Variants in ATP9A observed in about 807,000 individuals in gnomAD.
ATP9A encodes probable phospholipid-transporting ATPase IIA.
In ATP9A, 52 loss-of-function variants were observed where a neutral mutation model predicts 144.1. The ratio of observed to expected loss-of-function variants is 0.36; its 90% CI spans 0.29 to 0.45. ATP9A has a LOEUF of 0.45. ATP9A is among the 20% of genes least tolerant of loss of function. ATP9A has a pLI of 1.00. For synonymous variants in ATP9A, 582 were observed against 557.4 expected (o/e 1.04, Z -0.62); for missense variants, 947 against 1,392.7 (o/e 0.68, Z 5.09).
At chr20:51,661,869 T>C (rs956666501) in intron 13 of ATP9A, among the ~76,000 whole-genome samples, 4 of 152,170 alleles carry the variant, frequency 2.6e-5, no homozygotes, top group South Asian at 2.1e-4. Flanking sequence ...GTTTACTGTT[T>C]TAGAGCAGAC....
Position 51,671,327 on chromosome 20 carries a change from T to C in ATP9A, c.1038-70A>G, listed in dbSNP as rs1189459912. On this transcript the variant is annotated intron_variant, in intron 11 of 27. Coordinates refer to ENST00000338821, the MANE Select transcript of ATP9A (RefSeq NM_006045.3). Reference sequence around the variant, plus strand: ...GGCTCCTTGTATCTTTATAAAAACATGGACTCTAAACACATGTGCCATCGC... The same window carrying C: ...GGCTCCTTGTATCTTTATAAAAACACGGACTCTAAACACATGTGCCATCGC... 7.3e-5 allele frequency: 114 copies of C among 1,554,642 alleles called. 1 individual carries two copies. In the South Asian group the frequency reaches 1.1e-3, roughly 15 times the overall value.
In ATP9A at chr20:51,719,926, G is replaced by A. The variant is rs145586377; in HGVS notation, c.327+5893C>T. Among the ~76,000 whole-genome samples, 1,358 of 152,118 alleles carry A rather than the reference G, an allele frequency of 8.9e-3. 18 individuals are homozygous for A. Among genetic ancestry groups the A allele is most frequent in the African/African-American group, 0.031 (1,286 of 41,498 alleles). ...TAACTGGGCGTGATGGCACACACCT[G>A]TAATCCCAGTTACTCAGGAGACTGA... On this transcript the variant is annotated intron_variant, in intron 3 of 27. Transcript: ENST00000338821.
At chr20:51,656,280 A>AGT (rs1348499061) in intron 14 of ATP9A, among the ~76,000 whole-genome samples, 2 of 152,132 alleles carry the variant, frequency 1.3e-5, no homozygotes, top group Non-Finnish European at 2.9e-5. Flanking sequence ...TCACCAACGC[A>AGT]GTGACTCACG....
rs551814535 is a variant in ATP9A at position 51,642,924 on chromosome 20, G to C, written c.1507-3420C>G. Among the ~76,000 whole-genome samples, 26 of 152,032 alleles carry C rather than the reference G, an allele frequency of 1.7e-4. No homozygotes were observed. The East Asian group carries it at 5.0e-3, about 29-fold the overall frequency. Reference sequence around the variant, plus strand: ...TATACCCCGAAGAAGAGATCAAGCTGGAGCTCAAAACTGGGGTTCCAGTCC... The same window carrying C: ...TATACCCCGAAGAAGAGATCAAGCTCGAGCTCAAAACTGGGGTTCCAGTCC... On this transcript the variant is annotated intron_variant, in intron 14 of 27. Transcript: ENST00000338821.
intron 22 of ATP9A, among the ~76,000 whole-genome samples, chr20:51,615,026 C>T (rs954864238): frequency 8.0e-6 from 1 of 124,454 alleles, no homozygotes; most frequent in South Asian, 2.6e-4. Context: ...AATGTTAACA[C>T]GGGGTTGAGC....
At chr20:51,697,375 T>C in intron 5 of ATP9A, 49 bp downstream of exon 5, 2 of 1,563,366 alleles carry the variant, frequency 1.3e-6, no homozygotes, top group African/African-American at 1.4e-5. Flanking sequence ...AATGACACAT[T>C]AGGACCCATG....
chr20:51,717,826 T>A (rs1362799466), intron 3 of ATP9A, among the ~76,000 whole-genome samples: 1 of 151,904 alleles, frequency 6.6e-6, no homozygotes, highest in Non-Finnish European at 1.5e-5. Context: ...TGGTGGCGCA[T>A]GCCTGTAATC....
At chr20:51,764,496 G>C (rs573501581) in intron 1 of ATP9A, among the ~76,000 whole-genome samples, 1 of 152,170 alleles carries the variant, frequency 6.6e-6, no homozygotes, top group African/African-American at 2.4e-5. Context: ...GCACGTCTTC[G>C]CAACATTCGC....
At chr20:51,615,663 G>A (rs571835794) in intron 22 of ATP9A, among the ~76,000 whole-genome samples, 13 of 152,178 alleles carry the variant, frequency 8.5e-5, no homozygotes, top group African/African-American at 3.1e-4. Context: ...ATATTTTTGA[G>A]ACAGTCTCAC....
Position 51,599,465 on chromosome 20 carries a change from A to G in ATP9A, c.*1746T>C, listed in dbSNP as rs2077133108. 6.6e-6 allele frequency: 1 copy of G among 152,208 alleles called. No individual in the cohort carries two copies. The highest frequency in any genetic ancestry group is 6.5e-5 in the Admixed American group (1 of 15,282). 9.4% of individuals were successfully genotyped at this position (152,208 alleles called of 1,614,324 possible). On this transcript the variant is annotated 3_prime_UTR_variant, in exon 28 of 28. Coordinates refer to ENST00000338821, the MANE Select transcript of ATP9A (RefSeq NM_006045.3). ...GATCCTATCCTTAACTATTCACTCAATACATCTTTTCTGCCGACCTTTTCC... is the reference window on the plus strand; with the variant it reads ...GATCCTATCCTTAACTATTCACTCAGTACATCTTTTCTGCCGACCTTTTCC...
chr20:51,704,387 T>G (rs181543798), intron 4 of ATP9A, among the ~76,000 whole-genome samples: 2,579 of 151,738 alleles, frequency 0.017, 37 homozygotes, highest in Non-Finnish European at 0.023. Flanking sequence ...TTTTGTTGTT[T>G]TTTTTTTTAA....
intron 13 of ATP9A, among the ~76,000 whole-genome samples, chr20:51,664,884 T>TA: frequency 7.7e-6 from 1 of 129,894 alleles, no homozygotes; most frequent in Non-Finnish European, 1.7e-5. Flanking sequence ...CACCCCCGGC[T>TA]AATTTTTTTT....
chr20:51,654,101 CT>C (rs1205572820), intron 14 of ATP9A, among the ~76,000 whole-genome samples: 2 of 152,160 alleles, frequency 1.3e-5, no homozygotes, highest in African/African-American at 2.4e-5. Flanking sequence ...CTCCCTCCCC[CT>C]CTCTCTTTCT....
At chr20:51,733,065 T>A (rs543266391) in intron 1 of ATP9A, among the ~76,000 whole-genome samples, 1 of 152,070 alleles carries the variant, frequency 6.6e-6, no homozygotes, top group Non-Finnish European at 1.5e-5. Context: ...TTATACAAAA[T>A]TTTTGTTCTG....
chr20:51,706,914 T>C (rs1321021677), intron 4 of ATP9A, among the ~76,000 whole-genome samples: 2 of 152,324 alleles, frequency 1.3e-5, no homozygotes, highest in Admixed American at 6.5e-5. Context: ...GTACTGTATA[T>C]GAATTCTTCA....
chr20:51,615,028 G>A (rs1687443145), intron 22 of ATP9A, among the ~76,000 whole-genome samples: 2 of 143,488 alleles, frequency 1.4e-5, no homozygotes, highest in African/African-American at 5.2e-5. Context: ...TGTTAACACG[G>A]GGTTGAGCAT....
chr20:51,750,802 C>A (rs1408716077), intron 1 of ATP9A, among the ~76,000 whole-genome samples: 1 of 152,140 alleles, frequency 6.6e-6, no homozygotes, highest in African/African-American at 2.4e-5. Context: ...AATCTGAGAG[C>A]CACCTCTCAA....
chr20:51,700,902 G>A (rs1481589423), intron 4 of ATP9A, among the ~76,000 whole-genome samples: 2 of 152,136 alleles, frequency 1.3e-5, no homozygotes, highest in Non-Finnish European at 2.9e-5. Flanking sequence ...TTGGCAGAAC[G>A]ATTTCATGGC....
chr20:51,671,175 G>T lies in ATP9A; in HGVS notation c.1120C>A (p.Arg374Ser). 2 of 1,614,068 alleles carry T rather than the reference G, an allele frequency of 1.2e-6. No homozygotes were observed. Among genetic ancestry groups the T allele is most frequent in the South Asian group, 1.1e-5 (1 of 91,084 alleles). ...RDSKIPGTVV[R>S]SSTIPEQLGR... The stretch of plus-strand genomic sequence containing the variant: ...AGCTGCTCAGGAATCGTGCTGGAGC[G>T]AACCACGGTCCCGGGGATTTTCGAG... The change falls in exon 12 of 28, where the codon CGC becomes AGC. Residue 374 changes from arginine to serine, a missense_variant. By Grantham distance (110) the Arg-to-Ser change is moderately radical. Coordinates refer to ENST00000338821, the MANE Select transcript of ATP9A (RefSeq NM_006045.3).
Sources: allele counts gnomAD v4.1 joint callset (sites outside exome capture counted in the v4.1 genomes callset), GRCh38; gene constraint gnomAD v4.1.1; transcripts MANE v1.5; gene names NCBI Gene and HGNC (gene_info 2026-07-23, HGNC 2026-07-21).